Variants in FMN1 observed in about 807,000 individuals in gnomAD.
The protein encoded by FMN1 is formin 1, also known as formin-1.
FMN1 carries 110 observed loss-of-function variants against 132.4 expected under a neutral mutation model. The observed-to-expected ratio is 0.83, with a 90% CI of 0.71 to 0.97. The LOEUF (loss-of-function observed/expected upper bound fraction) is 0.97, where lower values mean the gene tolerates loss of function less well. FMN1 is among the 50% of genes least tolerant of loss of function. The pLI is 0.00. For synonymous variants in FMN1, 722 were observed against 651.7 expected, an observed-to-expected ratio of 1.11 and a Z score of -1.64; for missense variants, 1,792 against 1,705.3, an observed-to-expected ratio of 1.05 and a Z score of -0.90.
chr15:33,013,050 C>A, intron 6 of FMN1: 1 of 401,916 alleles, frequency 2.5e-6, no homozygotes. Flanking sequence ...CTAGCTATGG[C>A]ACTGGCAGAA....
At chr15:32,820,980 C>T (rs768199009) in intron 17 of FMN1, among the ~76,000 whole-genome samples, 9 of 151,658 alleles carry the variant, frequency 5.9e-5, no homozygotes, top group Non-Finnish European at 1.2e-4. Flanking sequence ...AAAGAGGTCT[C>T]GTATTTTAAT....
intron 6 of FMN1, among the ~76,000 whole-genome samples, chr15:33,052,259 GATTTAAAATATTTTATTAAA>G (rs1566869202): frequency 6.6e-6 from 1 of 152,016 alleles, no homozygotes; most frequent in African/African-American, 2.4e-5. Flanking sequence ...GAAAATACTT[GATTTAAAATATTTTATTAAA>G]ATTATCATCA....
intron 19 of FMN1, among the ~76,000 whole-genome samples, chr15:32,779,489 T>C (rs576661715): frequency 2.0e-5 from 3 of 152,170 alleles, no homozygotes; most frequent in African/African-American, 7.2e-5. Context: ...TCTAGTTGGG[T>C]TTGGCAATAT....
At chr15:33,067,798 G>A in intron 5 of FMN1, 3 of 1,613,936 alleles carry the variant, frequency 1.9e-6, no homozygotes, top group Non-Finnish European at 2.5e-6. Context: ...ACTTACTCAG[G>A]ATCGACTGAG....
chr15:33,082,020 G>GGGGTGTGTGTGT (rs1355703560), intron 5 of FMN1, among the ~76,000 whole-genome samples: 71 of 117,822 alleles, frequency 6.0e-4, no homozygotes, highest in African/African-American at 2.3e-3. Context: ...AGAGTTCAGG[G>GGGGTGTGTGTGT]GTGTGTGTGT....
At chr15:32,830,765 C>A (rs58349661) in intron 17 of FMN1, among the ~76,000 whole-genome samples, 2,573 of 152,052 alleles carry the variant, frequency 0.017, 73 homozygotes, top group African/African-American at 0.059. Flanking sequence ...CCTCCCTGTC[C>A]GAGGAGACGT....
intron 6 of FMN1, among the ~76,000 whole-genome samples, chr15:33,062,469 A>T (rs1446297689): frequency 6.6e-6 from 1 of 152,068 alleles, no homozygotes; most frequent in East Asian, 1.9e-4. Flanking sequence ...AAAATGCAAA[A>T]AAAATAGTCG....
intron 6 of FMN1, among the ~76,000 whole-genome samples, chr15:33,039,892 T>C (rs919426673): frequency 2.0e-5 from 3 of 152,150 alleles, no homozygotes; most frequent in African/African-American, 7.2e-5. Flanking sequence ...GCCTTCCTAC[T>C]TCCCCACTGC....
Position 33,013,835 on chromosome 15 carries a change from T to C in FMN1, c.2162-5760A>G, listed in dbSNP as rs185530303. 1.3e-3 allele frequency among the ~76,000 whole-genome samples: 197 copies of C among 152,348 alleles called. 2 individuals are homozygous for C. The highest frequency in any genetic ancestry group is 4.6e-3 in the African/African-American group (190 of 41,576). ...TACTTAAACCAAGCTTCTTGTGAAA[T>C]TGATGTCCTTTGAGAATAGCATCTA... is the stretch of plus-strand genomic sequence containing the variant. On this transcript the variant is annotated intron_variant, in intron 6 of 20. Coordinates refer to ENST00000616417, the MANE Select transcript of FMN1 (RefSeq NM_001277313.2).
At chr15:33,145,073 G>A (rs1005762717) in intron 4 of FMN1, among the ~76,000 whole-genome samples, 5 of 152,066 alleles carry the variant, frequency 3.3e-5, no homozygotes, top group East Asian at 3.9e-4. Context: ...CGATTTTGGT[G>A]CTTCCCTCTC....
intron 8 of FMN1, among the ~76,000 whole-genome samples, chr15:32,967,347 C>T (rs2031338201): frequency 6.6e-6 from 1 of 152,172 alleles, no homozygotes; most frequent in African/African-American, 2.4e-5. Context: ...TAGTGGGACA[C>T]AGGTGTGGAA....
chr15:32,862,761 T>C (rs2059301895), intron 16 of FMN1, among the ~76,000 whole-genome samples: 2 of 152,198 alleles, frequency 1.3e-5, no homozygotes, highest in South Asian at 2.1e-4. Flanking sequence ...GATATGAAAC[T>C]TGTTTCTTTT....
intron 7 of FMN1, among the ~76,000 whole-genome samples, chr15:32,993,889 T>C (rs2033595824): frequency 8.9e-6 from 1 of 112,696 alleles, no homozygotes; most frequent in Non-Finnish European, 1.7e-5. Context: ...ACTTGTCCTC[T>C]GCAACAGCAG....
At position 33,078,047 on chromosome 15, in the gene FMN1, A is replaced by G. The variant is rs112277622; in HGVS notation, c.2043+10752T>C. On this transcript the variant is annotated intron_variant, in intron 5 of 20. Coordinates refer to ENST00000616417, the MANE Select transcript of FMN1 (RefSeq NM_001277313.2). The stretch of plus-strand genomic sequence containing the variant: ...ACCAATTCTTAAACAGAGAGCAGAG[A>G]AAAAGTAGAGGCAATAAGGCTATGT... Among the ~76,000 whole-genome samples the G allele has an allele frequency of 5.1e-3, 771 of 152,328 alleles. 4 individuals are homozygous for G. The highest frequency in any genetic ancestry group is 0.017 in the African/African-American group (721 of 41,578).
intron 15 of FMN1, among the ~76,000 whole-genome samples, chr15:32,893,231 C>T (rs1046137641): frequency 8.5e-5 from 13 of 152,356 alleles, no homozygotes; most frequent in African/African-American, 2.2e-4. Context: ...AAGCAGTACT[C>T]TCATCTGAGT....
At chr15:32,986,904 T>C (rs1172933480) in intron 7 of FMN1, among the ~76,000 whole-genome samples, 4 of 152,288 alleles carry the variant, frequency 2.6e-5, no homozygotes, top group East Asian at 3.9e-4. Flanking sequence ...TCTCTAGTAA[T>C]TGGAAGGTAT....
intron 19 of FMN1, among the ~76,000 whole-genome samples, chr15:32,798,240 G>A (rs1270436025): frequency 6.6e-6 from 1 of 151,050 alleles, no homozygotes; most frequent in African/African-American, 2.4e-5. Flanking sequence ...CAGAGTTGAG[G>A]TTTTTCTTCT....
At chr15:33,086,513 G>A (rs988689189) in intron 5 of FMN1, among the ~76,000 whole-genome samples, 2 of 151,870 alleles carry the variant, frequency 1.3e-5, no homozygotes, top group African/African-American at 4.8e-5. Context: ...TTAATTTACA[G>A]AGGAAAAGGA....
At chr15:32,927,938 C>T (rs2140362222) in intron 9 of FMN1, among the ~76,000 whole-genome samples, 1 of 152,320 alleles carries the variant, frequency 6.6e-6, no homozygotes, top group African/African-American at 2.4e-5. Context: ...TAAACAGTAA[C>T]AAACATCTAC....
Sources: allele counts gnomAD v4.1 joint callset (sites outside exome capture counted in the v4.1 genomes callset), GRCh38; gene constraint gnomAD v4.1.1; transcripts MANE v1.5; gene names NCBI Gene and HGNC (gene_info 2026-07-23, HGNC 2026-07-21).